Variants in CFAP44 observed in about 807,000 individuals in gnomAD.
The protein encoded by CFAP44 is cilia- and flagella-associated protein 44.
A neutral mutation model predicts 216.2 loss-of-function variants in CFAP44; 134 were observed. The ratio of observed to expected loss-of-function variants is 0.62; its 90% CI spans 0.54 to 0.72. CFAP44 has a LOEUF of 0.72. Ranked by LOEUF, CFAP44 falls within the 30% of genes least tolerant of loss-of-function variation. CFAP44 has a pLI of 0.00. For synonymous variants in CFAP44, 700 were observed against 727.6 expected, an observed-to-expected ratio of 0.96 and a Z score of 0.61; for missense variants, 2,035 against 2,182.1, an observed-to-expected ratio of 0.93 and a Z score of 1.34.
In CFAP44 at chr3:113,403,984, C is replaced by T. The variant is rs755793674; in HGVS notation, c.1038G>A (p.Leu346=). Residue 346 remains leucine (L), a synonymous_variant, in exon 9 of 35, where the codon CTG becomes CTA. Transcript: ENST00000393845. The part of the protein sequence containing the change: ...VLSGSEWGNM[L]LWEGGLIKVE... ...CTTTGATCAGACCACCTTCCCAAAG[C>T]AGCATGTTGCCCCATTCTGACCCTG... 6.2e-7 allele frequency: 1 copy of T among 1,614,084 alleles called. No individual in the cohort carries two copies. Among genetic ancestry groups the T allele is most frequent in the Non-Finnish European group, 8.5e-7 (1 of 1,179,980 alleles).
rs1437708452 is a variant in CFAP44, at chr3:113,289,805, T to C, written c.*1752A>G. On this transcript the variant is annotated 3_prime_UTR_variant, in exon 35 of 35. Coordinates refer to ENST00000393845, the MANE Select transcript of CFAP44 (RefSeq NM_001164496.2). ...TCTCCCTCACTCTTGGATCACTTGC[T>C]CTGGGAGAAGTCATATCCCAAGCGG... is the stretch of plus-strand genomic sequence containing the variant. 6.6e-6 allele frequency: 1 copy of C among 152,276 alleles called. No individual in the cohort carries two copies. Among genetic ancestry groups the C allele is most frequent in the Non-Finnish European group, 1.5e-5 (1 of 68,094 alleles). 9.4% of individuals were successfully genotyped at this position (152,276 alleles called of 1,614,324 possible).
rs1301465485 is a variant in CFAP44, at chr3:113,347,276, C to T, written c.3066-2564G>A. ...AGCTTCCGCTTTTGGGCTGAGCCAA[C>T]GGTCAAGAGAGAGGAAAATCATTCA... On this transcript the variant is annotated intron_variant, in intron 22 of 34. Coordinates refer to ENST00000393845, the MANE Select transcript of CFAP44 (RefSeq NM_001164496.2). 5.9e-5 allele frequency among the ~76,000 whole-genome samples: 9 copies of T among 152,128 alleles called. No individual in the cohort carries two copies. The South Asian group carries it at 6.2e-4, about 11-fold the overall frequency.
Position 113,379,476 on chromosome 3 carries a change from G to A in CFAP44, c.2128C>T (p.Leu710=), listed in dbSNP as rs1242110814. The A allele has an allele frequency of 6.2e-7, 1 of 1,608,656 alleles. No individual in the cohort carries two copies. The part of the protein sequence containing the change: ...EKIREERRNK[L]AAEMGEDGEK... Reference sequence around the variant, plus strand: ...CCATCTTCTCCCATCTCTGCTGCTAGCTTGTTCCTCCTTTCTTCCCTTATT... The same window carrying A: ...CCATCTTCTCCCATCTCTGCTGCTAACTTGTTCCTCCTTTCTTCCCTTATT... Residue 710 remains leucine (L), a synonymous_variant, in exon 17 of 35, where the codon CTA becomes TTA. Transcript: ENST00000393845.
In CFAP44 at chr3:113,313,279, C is replaced by T. The variant is rs1345789775; in HGVS notation, c.4517-5011G>A. ...CTGCTGGATTTCAGACTTGCATGGG[C>T]CCTGTAATCTCTTTGTTTTGGTCAA... On this transcript the variant is annotated intron_variant, in intron 28 of 34. Coordinates refer to ENST00000393845, the MANE Select transcript of CFAP44 (RefSeq NM_001164496.2). Among the ~76,000 whole-genome samples the T allele has an allele frequency of 7.9e-5, 12 of 152,078 alleles. No homozygotes were observed. The East Asian group carries it at 2.3e-3, about 29-fold the overall frequency.
chr3:113,434,282 G>T (rs1423849426), intron 1 of CFAP44, among the ~76,000 whole-genome samples: 3 of 152,168 alleles, frequency 2.0e-5, no homozygotes, highest in Non-Finnish European at 4.4e-5. Flanking sequence ...TAGAGAAGAG[G>T]TGTTTGAGAC....
At position 113,363,168 on chromosome 3, in the gene CFAP44, T is replaced by C; in HGVS notation, c.2911A>G (p.Lys971Glu). The C allele has an allele frequency of 6.2e-7, 1 of 1,609,748 alleles. No individual in the cohort carries two copies. Residue 971 changes from lysine to glutamate, a missense_variant, in exon 21 of 35, where the codon AAG becomes GAG. Lys to Glu is a moderately conservative substitution (Grantham distance 56, BLOSUM62 1). This residue lies in a region of CFAP44 where 1,883 missense variants were observed against 2,023.7 expected (regional missense o/e 0.93). Coordinates refer to ENST00000393845, the MANE Select transcript of CFAP44 (RefSeq NM_001164496.2). ...NLLEMNEKLP[K>E]HMQFKRTDFD... is the part of the protein sequence containing the mutation. The stretch of plus-strand genomic sequence containing the variant: ...ACTGTTCGTTTAAACTGCATATGCT[T>C]TGGTAATTTTTCATTCATTTCTAAT...
rs1025361944 is a variant in CFAP44, at chr3:113,434,011, C to T, written c.-5-342G>A. The T allele has an allele frequency of 5.6e-5, 11 of 196,788 alleles. No homozygotes were observed. The East Asian group carries it at 1.2e-3, about 21-fold the overall frequency. 12.2% of individuals were successfully genotyped at this position (196,788 alleles called of 1,614,324 possible). A position where few individuals can be genotyped will look rare whatever the true frequency, so the allele number is the denominator to read the frequency against. On this transcript the variant is annotated intron_variant, in intron 1 of 34. Coordinates refer to ENST00000393845, the MANE Select transcript of CFAP44 (RefSeq NM_001164496.2). ...CATCCTACCTTTGGTCCATCCCTCCCTCTTTCTCTATTTTCAAATTCCCTT... is the reference window on the plus strand; with the variant it reads ...CATCCTACCTTTGGTCCATCCCTCCTTCTTTCTCTATTTTCAAATTCCCTT...
At chr3:113,385,681 C>G (rs941364191) in intron 15 of CFAP44, among the ~76,000 whole-genome samples, 1 of 152,168 alleles carries the variant, frequency 6.6e-6, no homozygotes, top group Admixed American at 6.5e-5. Flanking sequence ...TTACTCTCAC[C>G]CAGGCTGGAG....
At chr3:113,417,612 A>G (rs534205839) in intron 5 of CFAP44, among the ~76,000 whole-genome samples, 1 of 152,344 alleles carries the variant, frequency 6.6e-6, no homozygotes, top group East Asian at 1.9e-4. Context: ...TAGATTGCTA[A>G]TCCTGGTACC....
At chr3:113,362,566 C>G (rs1393303876) in intron 21 of CFAP44, among the ~76,000 whole-genome samples, 2 of 152,280 alleles carry the variant, frequency 1.3e-5, no homozygotes, top group East Asian at 3.9e-4. Flanking sequence ...GCATCAGAAA[C>G]CCCAGGGCCT....
rs1934984154 is a variant in CFAP44 at position 113,427,177 on chromosome 3, T to C, written c.253+10A>G. 1.2e-6 allele frequency: 2 copies of C among 1,606,804 alleles called. No homozygotes were observed. Among genetic ancestry groups the C allele is most frequent in the Non-Finnish European group, 1.7e-6 (2 of 1,178,298 alleles). ...GTGACAATTACTGACAGAAAACTAA[T>C]AATACCTACCTGTAGTGCTTTGCAA... On this transcript the variant is annotated intron_variant, in intron 3 of 34. Coordinates refer to ENST00000393845, the MANE Select transcript of CFAP44 (RefSeq NM_001164496.2).
At chr3:113,313,913 T>C (rs1559908487) in intron 28 of CFAP44, among the ~76,000 whole-genome samples, 1 of 151,816 alleles carries the variant, frequency 6.6e-6, no homozygotes, top group Non-Finnish European at 1.5e-5. Context: ...TACACCAAGA[T>C]AAAAACTCAA....
chr3:113,423,844 T>C (rs1329323242), intron 4 of CFAP44, among the ~76,000 whole-genome samples: 4 of 152,236 alleles, frequency 2.6e-5, no homozygotes, highest in Admixed American at 2.6e-4. Context: ...CACAGCCACG[T>C]GCAGGAAGAT....
intron 4 of CFAP44, among the ~76,000 whole-genome samples, chr3:113,421,210 G>C (rs1039997626): frequency 1.3e-5 from 2 of 152,146 alleles, no homozygotes; most frequent in African/African-American, 4.8e-5. Flanking sequence ...TTCAAAAGAA[G>C]ACATGCAAGC....
intron 23 of CFAP44, among the ~76,000 whole-genome samples, chr3:113,343,637 G>T (rs150529149): frequency 6.6e-6 from 1 of 152,266 alleles, no homozygotes. Context: ...ACTCTGGCAG[G>T]AGCCTGGGTG....
chr3:113,369,542 C>T (rs61366244), intron 18 of CFAP44, among the ~76,000 whole-genome samples: 19,179 of 152,218 alleles, frequency 0.13, 1,251 homozygotes, highest in Non-Finnish European at 0.15. Context: ...AGAACAAGGA[C>T]ACAACGTACC....
chr3:113,305,594 C>A (rs1473535040), intron 30 of CFAP44, among the ~76,000 whole-genome samples: 1 of 152,078 alleles, frequency 6.6e-6, no homozygotes, highest in African/African-American at 2.4e-5. Flanking sequence ...TCCTAGAAAA[C>A]CTGAAAGTTT....
chr3:113,424,540 G>C lies in CFAP44; in HGVS notation c.407+1584C>G, dbSNP rs116272072. ...TTAAAAGAGTACTTAGGGAATACCT[G>C]ATGGCTGACTTGTTCTTCCTAGAAT... is the stretch of plus-strand genomic sequence containing the variant. On this transcript the variant is annotated intron_variant, in intron 4 of 34. Coordinates refer to ENST00000393845, the MANE Select transcript of CFAP44 (RefSeq NM_001164496.2). Among the ~76,000 whole-genome samples, 1,308 of 152,302 alleles carry C rather than the reference G, an allele frequency of 8.6e-3. 22 individuals are homozygous for C. Among genetic ancestry groups the C allele is most frequent in the African/African-American group, 0.03 (1,252 of 41,562 alleles).
In CFAP44 at chr3:113,401,280, T is replaced by C. The variant is rs144496814; in HGVS notation, c.1334A>G (p.Asn445Ser). Residue 445 changes from asparagine (N) to serine (S), a missense_variant, in exon 11 of 35, where the codon AAT becomes AGT. By Grantham distance (46) the Asn-to-Ser change is conservative. This residue lies in a region of CFAP44 where 1,883 missense variants were observed against 2,023.7 expected (regional missense o/e 0.93). Coordinates refer to ENST00000393845, the MANE Select transcript of CFAP44 (RefSeq NM_001164496.2). ...AAGGTCAAGCTTCCATATGGCTCCA[T>C]TGGCATCCTAAAAAAATTAAATAGT... ...GNNFWLAQDA[N>S]GAIWKLDLSF... 4.4e-5 allele frequency: 69 copies of C among 1,583,390 alleles called. No individual in the cohort carries two copies. Among genetic ancestry groups the C allele is most frequent in the Middle Eastern group, 3.4e-4 (2 of 5,970 alleles).
Sources: allele counts gnomAD v4.1 joint callset (sites outside exome capture counted in the v4.1 genomes callset), GRCh38; gene constraint gnomAD v4.1.1; regional missense constraint gnomAD v4.1.1; transcripts MANE v1.5; gene names NCBI Gene and HGNC (gene_info 2026-07-23, HGNC 2026-07-21).